The following OSBPL5 variants were observed in gnomAD, a reference collection of about 807,000 sequenced individuals.
OSBPL5 encodes the protein oxysterol binding protein like 5.
A neutral mutation model predicts 111.2 loss-of-function variants in OSBPL5; 71 were observed. The observed-to-expected ratio is 0.64, with a 90% CI of 0.53 to 0.78. The LOEUF is 0.78. Among genes scored for constraint, OSBPL5 ranks in the 30% least tolerant of loss-of-function variants. The pLI is 0.00. For missense variants in OSBPL5, 1,210 were observed against 1,189.3 expected (o/e 1.02, Z -0.26); for synonymous variants, 549 against 513.9 (o/e 1.07, Z -0.93).
chr11:3,129,701 C>A (rs1403714318), intron 1 of OSBPL5, among the ~76,000 whole-genome samples: 1 of 152,198 alleles, frequency 6.6e-6, no homozygotes, highest in Non-Finnish European at 1.5e-5. Context: ...CCCAGGAGCG[C>A]CTCGCCTCTG....
chr11:3,131,565 A>ATCCG (rs1295202652), intron 1 of OSBPL5, among the ~76,000 whole-genome samples: 3 of 132,628 alleles, frequency 2.3e-5, no homozygotes, highest in Non-Finnish European at 3.2e-5. Context: ...CCATTCATTC[A>ATCCG]TCCATCCATC....
chr11:3,153,919 T>C (rs1250321437), intron 1 of OSBPL5, among the ~76,000 whole-genome samples: 2 of 152,216 alleles, frequency 1.3e-5, no homozygotes, highest in Non-Finnish European at 2.9e-5. Context: ...AGAGGCTCCA[T>C]ATGAATGCAG....
intron 2 of OSBPL5, among the ~76,000 whole-genome samples, chr11:3,127,721 C>T (rs1858676459): frequency 6.6e-6 from 1 of 152,210 alleles, no homozygotes; most frequent in African/African-American, 2.4e-5. Flanking sequence ...GATGCTGCCT[C>T]CTGGCCGGGA....
At position 3,093,032 on chromosome 11, in the gene OSBPL5, C is replaced by G; in HGVS notation, c.1967G>C (p.Arg656Thr). ...GTGCTGGTCGCCCTTGCTGATGGCC[C>G]TGGTGACGTGCTGCCAGAGCCTGCG... is the stretch of plus-strand genomic sequence containing the variant. ...ESERLWQHVT[R>T]AISKGDQHRA... The change falls in exon 18 of 22, where the codon AGG becomes ACG. Residue 656 changes from arginine (R) to threonine (T), a missense_variant. Transcript: ENST00000263650. The G allele has an allele frequency of 6.3e-7, 1 of 1,592,702 alleles. No individual in the cohort carries two copies. The highest frequency in any genetic ancestry group is 2.3e-5 in the East Asian group (1 of 44,364).
intron 14 of OSBPL5, among the ~76,000 whole-genome samples, chr11:3,097,789 G>T (rs752560817): frequency 1.4e-4 from 22 of 152,294 alleles, no homozygotes; most frequent in South Asian, 6.2e-4. Context: ...AGGCAAGGCC[G>T]AGCGCACTGG....
intron 7 of OSBPL5, among the ~76,000 whole-genome samples, chr11:3,119,216 G>A (rs1377584746): frequency 2.0e-5 from 3 of 151,786 alleles, no homozygotes; most frequent in Non-Finnish European, 4.4e-5. Flanking sequence ...TCACCATGTT[G>A]GCCAGGCTGG....
chr11:3,090,397 G>T (rs2090070688), intron 20 of OSBPL5, among the ~76,000 whole-genome samples, 161 bp downstream of exon 20: 1 of 152,142 alleles, frequency 6.6e-6, no homozygotes, highest in Non-Finnish European at 1.5e-5. Flanking sequence ...ACTCTGAGAG[G>T]GCAGAGCCTG....
intron 3 of OSBPL5, among the ~76,000 whole-genome samples, chr11:3,123,230 T>A (rs943662994): frequency 6.6e-6 from 1 of 151,964 alleles, no homozygotes; most frequent in African/African-American, 2.4e-5. Context: ...AGGGGGCGAG[T>A]TGGGACACAG....
At chr11:3,148,395 C>T (rs887508102) in intron 1 of OSBPL5, among the ~76,000 whole-genome samples, 2 of 152,214 alleles carry the variant, frequency 1.3e-5, no homozygotes, top group Non-Finnish European at 2.9e-5. Flanking sequence ...AGAGGAAGTG[C>T]CCCTCCCATG....
At chr11:3,131,667 C>CATCT (rs1845789516) in intron 1 of OSBPL5, among the ~76,000 whole-genome samples, 1 of 150,622 alleles carries the variant, frequency 6.6e-6, no homozygotes, top group Non-Finnish European at 1.5e-5. Context: ...ACTGTCCTCC[C>CATCT]ATCCATCCAT....
intron 1 of OSBPL5, among the ~76,000 whole-genome samples, chr11:3,153,939 G>C (rs1279167074): frequency 6.6e-6 from 1 of 152,236 alleles, no homozygotes; most frequent in East Asian, 1.9e-4. Flanking sequence ...GCCCAGATAA[G>C]GTGGCTGCAG....
intron 3 of OSBPL5, among the ~76,000 whole-genome samples, chr11:3,123,986 C>T (rs1454244277): frequency 6.6e-6 from 1 of 152,210 alleles, no homozygotes; most frequent in African/African-American, 2.4e-5. Flanking sequence ...ATGCCAGTGT[C>T]CTGCTCTTTC....
intron 20 of OSBPL5, 107 bp downstream of exon 20, chr11:3,090,451 T>G: frequency 7.0e-7 from 1 of 1,426,386 alleles, no homozygotes; most frequent in South Asian, 1.4e-5. Flanking sequence ...TGCTGGGAGG[T>G]TGCCCTACAT....
chr11:3,094,447 AT>A (rs2134389348), intron 14 of OSBPL5, 113 bp from the exon 15 acceptor site: 1 of 777,494 alleles, frequency 1.3e-6, no homozygotes, highest in East Asian at 2.6e-5. Flanking sequence ...AGCAGCACCG[AT>A]CCCTGGGAGG....
rs1219823142 is a variant in OSBPL5 at position 3,113,645 on chromosome 11, A to C, written c.692-5700T>G. 2.2e-5 allele frequency among the ~76,000 whole-genome samples: 3 copies of C among 136,974 alleles called. No individual in the cohort carries two copies. The highest frequency in any genetic ancestry group is 8.1e-5 in the African/African-American group (3 of 37,246). The allele number at this position is 136,974 out of a possible 152,430, so 89.9% of individuals were successfully genotyped here. A position where few individuals can be genotyped will look rare whatever the true frequency, so the allele number is the denominator to read the frequency against. On this transcript the variant is annotated intron_variant, in intron 7 of 21. Coordinates refer to ENST00000263650, the MANE Select transcript of OSBPL5 (RefSeq NM_020896.4). The surrounding 1 kb of genome is among the most constrained non-coding windows in gnomAD (Gnocchi z 4.8). ...CTCCAGCCTGGGAGACTAGAGCAAG[A>C]CTCCGTCTCAAAAAAAAAAAAATTT... is the stretch of plus-strand genomic sequence containing the variant.
intron 14 of OSBPL5, among the ~76,000 whole-genome samples, chr11:3,096,994 GAA>G: frequency 2.3e-4 from 1 of 4,374 alleles, no homozygotes; most frequent in Non-Finnish European, 5.2e-4. Flanking sequence ...GGGAGGAGGA[GAA>G]GAGGAAAGAG....
At chr11:3,135,986 G>A (rs1377462430) in intron 1 of OSBPL5, among the ~76,000 whole-genome samples, 1 of 152,210 alleles carries the variant, frequency 6.6e-6, no homozygotes, top group Non-Finnish European at 1.5e-5. Context: ...CATTTCTCAT[G>A]TGGGGCATGA....
intron 1 of OSBPL5, among the ~76,000 whole-genome samples, chr11:3,136,933 T>A (rs1263395256): frequency 6.6e-6 from 1 of 152,228 alleles, no homozygotes; most frequent in Non-Finnish European, 1.5e-5. Context: ...CGTTCAAGAC[T>A]GTGGAGGGGA....
chr11:3,158,028 C>A (rs1216693904), intron 1 of OSBPL5, among the ~76,000 whole-genome samples: 1 of 152,226 alleles, frequency 6.6e-6, no homozygotes, highest in Non-Finnish European at 1.5e-5. Flanking sequence ...GGGAGAATGA[C>A]CCACTCTGGC....
Sources: gnomAD v4.1 joint callset for allele counts (sites outside exome capture counted in the v4.1 genomes callset) on GRCh38, gnomAD v4.1.1 for gene constraint, Gnocchi (gnomAD v3.1) non-coding constraint, MANE v1.5 for transcripts, NCBI Gene and HGNC (gene_info 2026-07-23, HGNC 2026-07-21) for gene names.